Variants in TTC27 observed in about 807,000 individuals in gnomAD.
The protein encoded by TTC27 is tetratricopeptide repeat domain 27, also known as tetratricopeptide repeat protein 27.
A neutral mutation model predicts 115.9 loss-of-function variants in TTC27; 79 were observed. The observed-to-expected ratio is 0.68, with a 90% CI of 0.57 to 0.82. The LOEUF (loss-of-function observed/expected upper bound fraction) is 0.82, where lower values mean the gene tolerates loss of function less well. TTC27 is among the 40% of genes least tolerant of loss of function. The pLI, the probability that TTC27 is intolerant of heterozygous loss-of-function variation, is 0.00. For synonymous variants in TTC27, 401 were observed against 356.0 expected (o/e 1.13, Z -1.42); for missense variants, 1,054 against 993.1 (o/e 1.06, Z -0.82).
In TTC27 at chr2:32,650,188, C is replaced by A; in HGVS notation, c.595C>A (p.Arg199Ser). 1 of 1,613,832 alleles carries A rather than the reference C, an allele frequency of 6.2e-7. No individual in the cohort carries two copies. Among genetic ancestry groups the A allele is most frequent in the Non-Finnish European group, 8.5e-7 (1 of 1,179,886 alleles). ...VNIHQHLLEERSPLLFTLAEN... is the reference protein window; with the variant it reads ...VNIHQHLLEESSPLLFTLAEN... ...TATTCATCAGCATTTGCTTGAGGAA[C>A]GCTCACCTCTGCTTTTTACTCTTGC... The change falls in exon 5 of 20, where the codon CGC (arginine) becomes AGC (serine). Residue 199 changes from arginine to serine, a missense_variant. Physicochemically the swap from Arg to Ser is moderately radical, Grantham distance 110. Coordinates refer to ENST00000317907, the MANE Select transcript of TTC27 (RefSeq NM_017735.5).
At chr2:32,724,248 T>C (rs1357433783) in intron 10 of TTC27, among the ~76,000 whole-genome samples, 1 of 152,138 alleles carries the variant, frequency 6.6e-6, no homozygotes, top group Admixed American at 6.5e-5. Context: ...CAAGTAGGGC[T>C]TGTGGATCCC....
At chr2:32,807,383 C>T (rs976881405) in intron 16 of TTC27, among the ~76,000 whole-genome samples, 1 of 152,136 alleles carries the variant, frequency 6.6e-6, no homozygotes, top group Non-Finnish European at 1.5e-5. Context: ...CTGCTACTTG[C>T]ACATTTCCAT....
intron 13 of TTC27, among the ~76,000 whole-genome samples, chr2:32,776,903 C>T (rs1670013823): frequency 6.6e-6 from 1 of 152,204 alleles, no homozygotes; most frequent in South Asian, 2.1e-4. Context: ...AGCCACCACA[C>T]CCAGCCGAAT....
At chr2:32,649,777 C>T (rs566948580) in intron 4 of TTC27, among the ~76,000 whole-genome samples, 61 of 152,154 alleles carry the variant, frequency 4.0e-4, no homozygotes, top group African/African-American at 1.4e-3. Flanking sequence ...AACTCCTGAC[C>T]TTGTGATCTG....
At chr2:32,744,064 C>T (rs2151920340) in intron 12 of TTC27, among the ~76,000 whole-genome samples, 1 of 152,298 alleles carries the variant, frequency 6.6e-6, no homozygotes, top group Non-Finnish European at 1.5e-5. Context: ...AAACTTACTA[C>T]AAACACAGTT....
At chr2:32,768,353 A>G (rs1021312232) in intron 13 of TTC27, among the ~76,000 whole-genome samples, 2 of 152,242 alleles carry the variant, frequency 1.3e-5, no homozygotes, top group African/African-American at 4.8e-5. Context: ...TGGTTGATAA[A>G]TATGTTTATT....
intron 3 of TTC27, among the ~76,000 whole-genome samples, chr2:32,639,367 A>G (rs1337348200): frequency 6.6e-6 from 1 of 152,074 alleles, no homozygotes; most frequent in Non-Finnish European, 1.5e-5. Flanking sequence ...AAATCTCTGT[A>G]CAACAGGAGA....
intron 10 of TTC27, among the ~76,000 whole-genome samples, chr2:32,728,861 G>A (rs1668199335): frequency 6.6e-6 from 1 of 152,170 alleles, no homozygotes; most frequent in South Asian, 2.1e-4. Context: ...GGGCTTGGAG[G>A]TTTGAGATGG....
chr2:32,719,827 C>G (rs1395198488), intron 10 of TTC27, among the ~76,000 whole-genome samples: 1 of 152,062 alleles, frequency 6.6e-6, no homozygotes, highest in African/African-American at 2.4e-5. Flanking sequence ...GGAAGCTCCC[C>G]TTGGTATTCT....
At chr2:32,641,256 T>C (rs1664636823) in intron 4 of TTC27, among the ~76,000 whole-genome samples, 1 of 152,146 alleles carries the variant, frequency 6.6e-6, no homozygotes, top group African/African-American at 2.4e-5. Context: ...AAGACAGTCT[T>C]TGGAGGTTTA....
chr2:32,730,770 C>T (rs3818265), intron 10 of TTC27, among the ~76,000 whole-genome samples: 97,755 of 151,452 alleles, frequency 0.65, 32,184 homozygotes, highest in South Asian at 0.75. Context: ...TACAGGCCTG[C>T]GCCACCACAC....
At chr2:32,674,387 G>T (rs1306278442) in intron 8 of TTC27, among the ~76,000 whole-genome samples, 1 of 151,968 alleles carries the variant, frequency 6.6e-6, no homozygotes, top group Admixed American at 6.6e-5. Context: ...CTGACCTCAG[G>T]TGATCCGCCC....
At chr2:32,766,321 C>T (rs1008605234) in intron 13 of TTC27, 13 of 198,646 alleles carry the variant, frequency 6.5e-5, no homozygotes, top group African/African-American at 1.1e-4. Flanking sequence ...TCAGAGGCCT[C>T]GCTTCTAGTT....
At chr2:32,776,074 C>G (rs1343840378) in intron 13 of TTC27, among the ~76,000 whole-genome samples, 1 of 152,164 alleles carries the variant, frequency 6.6e-6, no homozygotes, top group African/African-American at 2.4e-5. Context: ...TTAGTTTCAA[C>G]CTAGTACCTC....
chr2:32,811,341 G>T (rs1671311111), intron 17 of TTC27, 120 bp downstream of exon 17: 1 of 941,892 alleles, frequency 1.1e-6, no homozygotes, highest in Non-Finnish European at 1.6e-6. Flanking sequence ...GTATGCTTAA[G>T]TTCAGTTCTG....
chr2:32,748,212 A>G (rs765639482), intron 12 of TTC27, among the ~76,000 whole-genome samples: 1 of 151,848 alleles, frequency 6.6e-6, no homozygotes, highest in Non-Finnish European at 1.5e-5. Context: ...CATTTCATTG[A>G]TTATTTAAGA....
rs371828495 is a variant in TTC27 at position 32,800,779 on chromosome 2, C to T, written c.1999-10245C>T. ...CCTCCCAAAGTGCTGGGATTACAGA[C>T]GTGAGCCACCGTGCCTGGTCACAAG... On this transcript the variant is annotated intron_variant, in intron 16 of 19. Coordinates refer to ENST00000317907, the MANE Select transcript of TTC27 (RefSeq NM_017735.5). Among the ~76,000 whole-genome samples the T allele has an allele frequency of 1.1e-4, 16 of 152,274 alleles. No individual in the cohort carries two copies. In the East Asian group the frequency reaches 1.2e-3, roughly 11 times the overall value.
intron 10 of TTC27, among the ~76,000 whole-genome samples, chr2:32,724,716 G>C (rs1051888861): frequency 4.6e-5 from 7 of 152,174 alleles, no homozygotes; most frequent in Non-Finnish European, 7.3e-5. Flanking sequence ...CAGATGAACT[G>C]ATTATTCAGA....
Position 32,815,330 on chromosome 2 carries a change from AG to A in TTC27, c.2309-2125del, listed in dbSNP as rs1297387005. On this transcript the variant is annotated intron_variant, in intron 18 of 19. Coordinates refer to ENST00000317907, the MANE Select transcript of TTC27 (RefSeq NM_017735.5). ...CGGCTCACTGCAAGCTTCGCCTCCC[AG>A]GTTCACGCCATTCTCCTGCCTCAGC... 3.7e-5 allele frequency among the ~76,000 whole-genome samples: 5 copies of A among 134,400 alleles called. No homozygotes were observed. The South Asian group carries it at 1.2e-3, about 33-fold the overall frequency. The allele number at this position is 134,400 out of a possible 152,430, so 88.2% of individuals were successfully genotyped here.
Sources: gnomAD v4.1 joint callset for allele counts (sites outside exome capture counted in the v4.1 genomes callset) on GRCh38, gnomAD v4.1.1 for gene constraint, MANE v1.5 for transcripts, NCBI Gene and HGNC (gene_info 2026-07-23, HGNC 2026-07-21) for gene names.